The following PDIA6 variants were observed in gnomAD, a reference collection of about 807,000 sequenced individuals.
PDIA6 encodes protein disulfide isomerase family A member 6.
A neutral mutation model predicts 58.4 loss-of-function variants in PDIA6; 29 were observed. The ratio of observed to expected loss-of-function variants is 0.50; its 90% CI spans 0.37 to 0.68. PDIA6 has a LOEUF of 0.68. Among genes scored for constraint, PDIA6 ranks in the 30% least tolerant of loss-of-function variants. PDIA6 has a pLI of 0.00. For missense variants in PDIA6, 480 were observed against 551.0 expected (o/e 0.87, Z 1.29); for synonymous variants, 192 against 202.6 (o/e 0.95, Z 0.44).
chr2:10,834,725 T>C (rs142879616), upstream of PDIA6, among the ~76,000 whole-genome samples: 3,730 of 14,072 alleles, frequency 0.27, 425 homozygotes, highest in Middle Eastern at 0.33. Flanking sequence ...CTCCCTCCCT[T>C]CCTTCCCTCC....
intron 11 of PDIA6, 104 bp downstream of exon 11, chr2:10,787,177 A>G: frequency 1.0e-6 from 1 of 967,638 alleles, no homozygotes; most frequent in Non-Finnish European, 1.6e-6. Context: ...TGCATTTTAA[A>G]TTCCATTTAT....
At chr2:10,836,774 C>T (rs1278233877), upstream of PDIA6, among the ~76,000 whole-genome samples, 5 of 151,820 alleles carry the variant, frequency 3.3e-5, no homozygotes, top group Non-Finnish European at 7.4e-5. Flanking sequence ...TTTTCATTGC[C>T]GCTTGTGTTC....
rs1211574924 is a variant in PDIA6 at position 10,783,506 on chromosome 2, C to T, written c.*752G>A. 1.0e-5 allele frequency: 4 copies of T among 398,252 alleles called. No individual in the cohort carries two copies. The highest frequency in any genetic ancestry group is 2.1e-5 in the African/African-American group (1 of 48,388). The allele number at this position is 398,252 out of a possible 1,614,324, so 24.7% of individuals were successfully genotyped here. A position where few individuals can be genotyped will look rare whatever the true frequency, so the allele number is the denominator to read the frequency against. Reference sequence around the variant, plus strand: ...AATGTTTTACATAAATGCGAACTACCTGTTCGCATTGGTAACCTGCTGCTG... The same window carrying T: ...AATGTTTTACATAAATGCGAACTACTTGTTCGCATTGGTAACCTGCTGCTG... On this transcript the variant is annotated 3_prime_UTR_variant, in exon 13 of 13. Transcript: ENST00000272227.
At chr2:10,789,714 A>T in intron 8 of PDIA6, 35 bp downstream of exon 8, 4 of 1,602,988 alleles carry the variant, frequency 2.5e-6, no homozygotes, top group Non-Finnish European at 3.4e-6. Context: ...CAGCTAAAAA[A>T]GCTTTCTGGA....
At chr2:10,813,311 G>A (rs1667089597), upstream of PDIA6, among the ~76,000 whole-genome samples, 1 of 152,214 alleles carries the variant, frequency 6.6e-6, no homozygotes, top group African/African-American at 2.4e-5. Flanking sequence ...ACTTTTGAAA[G>A]TTCTTCCGTC....
intron 4 of PDIA6, among the ~76,000 whole-genome samples, chr2:10,796,313 A>G (rs1048036414): frequency 1.3e-5 from 2 of 152,040 alleles, no homozygotes; most frequent in African/African-American, 2.4e-5. Flanking sequence ...TTGGCCTCCC[A>G]AAGTGCTGGG....
chr2:10,822,426 C>T (rs903309375), intron 1 of PDIA6, among the ~76,000 whole-genome samples: 3 of 152,196 alleles, frequency 2.0e-5, no homozygotes, highest in Middle Eastern at 6.8e-3. Context: ...CGATGCCTGG[C>T]TAATTTTTTG....
upstream of PDIA6, among the ~76,000 whole-genome samples, chr2:10,813,099 AC>A (rs548088656): frequency 6.5e-3 from 966 of 149,044 alleles, 10 homozygotes; most frequent in African/African-American, 0.022. Context: ...CTTATTCTGC[AC>A]CCCCCCACCC....
chr2:10,835,365 C>G (rs770990937), upstream of PDIA6, among the ~76,000 whole-genome samples: 2 of 152,190 alleles, frequency 1.3e-5, no homozygotes, highest in African/African-American at 4.8e-5. Flanking sequence ...TTGACCAGGC[C>G]GCTGGCAGTG....
chr2:10,813,972 G>A (rs180756949), upstream of PDIA6, among the ~76,000 whole-genome samples: 95 of 152,222 alleles, frequency 6.2e-4, no homozygotes, highest in Non-Finnish European at 1.1e-3. Context: ...TGATCCGCCT[G>A]CTTCGGCCTC....
intron 4 of PDIA6, 41 bp downstream of exon 4, chr2:10,797,040 T>C (rs1440003860): frequency 1.3e-6 from 2 of 1,593,556 alleles, no homozygotes; most frequent in Non-Finnish European, 1.7e-6. Flanking sequence ...CAGTAGGTTC[T>C]TGTCTACCAG....
At chr2:10,816,077 C>CTTTTTTTTTT (rs57404091), upstream of PDIA6, among the ~76,000 whole-genome samples, 260 of 96,440 alleles carry the variant, frequency 2.7e-3, 15 homozygotes, top group African/African-American at 6.2e-3. Flanking sequence ...AATCATTTGT[C>CTTTTTTTTTT]TTTTTTTTTT....
chr2:10,784,387 A>T (rs971042858), intron 12 of PDIA6, 61 bp from the exon 13 acceptor site: 20 of 1,361,800 alleles, frequency 1.5e-5, no homozygotes, highest in Admixed American at 3.8e-5. Flanking sequence ...GAAGGTCAAC[A>T]TCTCATTTTA....
chr2:10,786,726 T>C (rs191531837), intron 11 of PDIA6, among the ~76,000 whole-genome samples: 2 of 152,320 alleles, frequency 1.3e-5, no homozygotes, highest in East Asian at 3.9e-4. Flanking sequence ...TAAAACCTCT[T>C]TAGGTCAATG....
intron 1 of PDIA6, among the ~76,000 whole-genome samples, chr2:10,822,554 G>A (rs1316691117): frequency 6.6e-6 from 1 of 152,228 alleles, no homozygotes; most frequent in Non-Finnish European, 1.5e-5. Flanking sequence ...GAGCCACCGT[G>A]CCTGGCCTCA....
chr2:10,792,137 A>G lies in PDIA6; in HGVS notation c.454-212T>C, dbSNP rs189459519. ...GTCTTTTACTTTCAAGTAATTATCA[A>G]TACATTCAGTACAACACATAACCTG... is the stretch of plus-strand genomic sequence containing the variant. On this transcript the variant is annotated intron_variant, in intron 5 of 12. Transcript: ENST00000272227. 7.2e-5 allele frequency among the ~76,000 whole-genome samples: 11 copies of G among 152,334 alleles called. No homozygotes were observed. In the East Asian group the frequency reaches 2.1e-3, roughly 29 times the overall value.
At chr2:10,795,463 G>A (rs769011018) in intron 4 of PDIA6, among the ~76,000 whole-genome samples, 12 of 147,034 alleles carry the variant, frequency 8.2e-5, no homozygotes, top group Non-Finnish European at 1.5e-4. Flanking sequence ...CAGAGACAAC[G>A]TGTCCAAGGC....
intron 1 of PDIA6, chr2:10,823,536 C>G (rs573379837): frequency 1.3e-5 from 2 of 152,234 alleles, no homozygotes; most frequent in Non-Finnish European, 2.9e-5. Flanking sequence ...ATTGGGTTCT[C>G]TTTCCATCAC....
intron 1 of PDIA6, among the ~76,000 whole-genome samples, chr2:10,807,012 TA>T (rs1666795378): frequency 6.6e-6 from 1 of 152,222 alleles, no homozygotes; most frequent in African/African-American, 2.4e-5. Context: ...AAGAAATTTC[TA>T]TTCCTGTCTT....
Sources: gnomAD v4.1 joint callset for allele counts (sites outside exome capture counted in the v4.1 genomes callset) on GRCh38, gnomAD v4.1.1 for gene constraint, MANE v1.5 for transcripts, NCBI Gene and HGNC (gene_info 2026-07-23, HGNC 2026-07-21) for gene names.